The following PCDH15 variants were observed in gnomAD, a reference collection of about 807,000 sequenced individuals.
The protein encoded by PCDH15 is protocadherin related 15.
A neutral mutation model predicts 178.5 loss-of-function variants in PCDH15; 129 were observed. The ratio of observed to expected loss-of-function variants is 0.72; its 90% CI spans 0.63 to 0.84. The LOEUF is 0.84. PCDH15 is among the 40% of genes least tolerant of loss of function. The probability of loss-of-function intolerance (pLI) is 0.00; values close to 1 mark genes in which losing one functional copy is unlikely to be tolerated. For missense variants in PCDH15, 2,230 were observed against 2,099.9 expected, an observed-to-expected ratio of 1.06 and a Z score of -1.21; for synonymous variants, 800 against 732.0, an observed-to-expected ratio of 1.09 and a Z score of -1.50.
At chr10:54,991,628 C>T (rs1236101438) in intron 2 of PCDH15, among the ~76,000 whole-genome samples, 1 of 152,068 alleles carries the variant, frequency 6.6e-6, no homozygotes, top group East Asian at 1.9e-4. Flanking sequence ...TCTTACATAC[C>T]TCAGGCACTT....
At chr10:54,921,906 C>T (rs552094414) in intron 2 of PCDH15, among the ~76,000 whole-genome samples, 1 of 152,274 alleles carries the variant, frequency 6.6e-6, no homozygotes, top group Admixed American at 6.5e-5. Flanking sequence ...AGCACCTCTC[C>T]TGCTCCATGG....
At chr10:54,681,422 T>C (rs528947419) in intron 1 of PCDH15, among the ~76,000 whole-genome samples, 1 of 151,586 alleles carries the variant, frequency 6.6e-6, no homozygotes, top group Non-Finnish European at 1.5e-5. Flanking sequence ...TATTTAGAGG[T>C]CAGAAAAATA....
At chr10:55,619,688 T>G (rs1165070711) in intron 2 of PCDH15, among the ~76,000 whole-genome samples, 1 of 152,086 alleles carries the variant, frequency 6.6e-6, no homozygotes, top group East Asian at 1.9e-4. Flanking sequence ...ATCTAAATTC[T>G]CTAGCTTGTA....
chr10:54,892,543 G>A (rs1426942332), intron 3 of PCDH15, among the ~76,000 whole-genome samples: 2 of 151,534 alleles, frequency 1.3e-5, no homozygotes, highest in African/African-American at 4.8e-5. Flanking sequence ...ACATTGAGAT[G>A]CATGGAGAAT....
chr10:55,061,300 T>C (rs183449981), intron 2 of PCDH15, among the ~76,000 whole-genome samples: 7 of 152,160 alleles, frequency 4.6e-5, no homozygotes, highest in Non-Finnish European at 8.8e-5. Context: ...AATAAGAATA[T>C]GAAAAGACAT....
At chr10:54,404,558 A>G (rs1209208960) in intron 3 of PCDH15, among the ~76,000 whole-genome samples, 2 of 151,892 alleles carry the variant, frequency 1.3e-5, no homozygotes, top group Non-Finnish European at 2.9e-5. Context: ...ACCAAAAACT[A>G]TAAAAACCCA....
At chr10:54,777,286 G>C (rs1481329542) in intron 1 of PCDH15, among the ~76,000 whole-genome samples, 1 of 152,166 alleles carries the variant, frequency 6.6e-6, no homozygotes, top group African/African-American at 2.4e-5. Flanking sequence ...GCTCAGCAGG[G>C]TGCGGATGTG....
intron 2 of PCDH15, among the ~76,000 whole-genome samples, chr10:55,350,266 TATACAC>T (rs1220793111): frequency 0.026 from 1,514 of 58,684 alleles, 8 homozygotes; most frequent in Non-Finnish European, 0.031. Context: ...TATATATATA[TATACAC>T]ACACACACAC....
At chr10:54,032,301 C>T (rs1202995356) in intron 18 of PCDH15, among the ~76,000 whole-genome samples, 1 of 151,944 alleles carries the variant, frequency 6.6e-6, no homozygotes, top group Admixed American at 6.6e-5. Flanking sequence ...GCTCCTGAAG[C>T]TCATTGTATG....
intron 2 of PCDH15, among the ~76,000 whole-genome samples, chr10:55,565,821 T>C (rs1470045962): frequency 1.3e-5 from 2 of 151,678 alleles, no homozygotes; most frequent in Non-Finnish European, 3.0e-5. Context: ...GACTGATACC[T>C]ACTAAGGAGA....
At chr10:54,489,973 A>C (rs2079434304) in intron 3 of PCDH15, among the ~76,000 whole-genome samples, 1 of 152,192 alleles carries the variant, frequency 6.6e-6, no homozygotes, top group African/African-American at 2.4e-5. Context: ...GATCAGAATT[A>C]AATTATAAAT....
intron 2 of PCDH15, among the ~76,000 whole-genome samples, chr10:54,604,480 T>C (rs1339693618): frequency 6.6e-6 from 1 of 152,026 alleles, no homozygotes; most frequent in African/African-American, 2.4e-5. Flanking sequence ...TTACAATAGT[T>C]ATATCTTCCT....
intron 1 of PCDH15, among the ~76,000 whole-genome samples, chr10:54,790,815 A>C (rs539414299): frequency 2.0e-5 from 3 of 152,134 alleles, no homozygotes; most frequent in East Asian, 1.9e-4. Context: ...ATGGAAAATA[A>C]AACAGAATAA....
chr10:53,881,253 A>T (rs2080694780), intron 26 of PCDH15, among the ~76,000 whole-genome samples: 1 of 152,074 alleles, frequency 6.6e-6, no homozygotes, highest in African/African-American at 2.4e-5. Flanking sequence ...GAGCTAAATA[A>T]TGTGTACACC....
chr10:54,852,376 T>A (rs1953637916), intron 3 of PCDH15, among the ~76,000 whole-genome samples: 1 of 152,114 alleles, frequency 6.6e-6, no homozygotes, highest in South Asian at 2.1e-4. Context: ...ATAAAGTGAT[T>A]ACTGCAATAG....
At chr10:54,693,560 C>T (rs2095167681) in intron 1 of PCDH15, among the ~76,000 whole-genome samples, 1 of 152,074 alleles carries the variant, frequency 6.6e-6, no homozygotes, top group African/African-American at 2.4e-5. Flanking sequence ...AAGTTGCTGA[C>T]TATCTAACTT....
chr10:54,556,108 A>G (rs2133270931), intron 2 of PCDH15, among the ~76,000 whole-genome samples: 1 of 152,340 alleles, frequency 6.6e-6, no homozygotes, highest in Admixed American at 6.5e-5. Flanking sequence ...CCTTGCAACT[A>G]TAAATAAAAT....
intron 2 of PCDH15, among the ~76,000 whole-genome samples, chr10:54,951,985 C>T (rs1372251674): frequency 4.0e-5 from 6 of 151,688 alleles, no homozygotes; most frequent in East Asian, 1.9e-4. Context: ...CTCCTCAATC[C>T]GTGGCTTCTC....
At chr10:53,965,870 T>TA (rs138052591) in intron 21 of PCDH15, among the ~76,000 whole-genome samples, 107,073 of 151,428 alleles carry the variant, frequency 0.71, 38,175 homozygotes, top group East Asian at 0.87. Context: ...AAAGCCAAAA[T>TA]TTTTTTTTGC....
Sources: allele counts gnomAD v4.1 joint callset (sites outside exome capture counted in the v4.1 genomes callset), GRCh38; gene constraint gnomAD v4.1.1; transcripts MANE v1.5; gene names NCBI Gene and HGNC (gene_info 2026-07-23, HGNC 2026-07-21).